The following DOCK6 variants were observed in gnomAD, a reference collection of about 807,000 sequenced individuals.
The protein encoded by DOCK6 is dedicator of cytokinesis 6.
Under a neutral mutation model 230.3 loss-of-function variants are expected in DOCK6, and 167 were observed. The ratio of observed to expected loss-of-function variants is 0.73; its 90% confidence interval spans 0.64 to 0.82. DOCK6 has a LOEUF of 0.82. DOCK6 is among the 40% of genes least tolerant of loss of function. The pLI, the probability that DOCK6 is intolerant of heterozygous loss-of-function variation, is 0.00. For missense variants in DOCK6, 2,598 were observed against 2,825.8 expected, an observed-to-expected ratio of 0.92 and a Z score of 1.83; for synonymous variants, 1,148 against 1,185.0, an observed-to-expected ratio of 0.97 and a Z score of 0.64.
chr19:11,252,064 A>T, intron 5 of DOCK6, 55 bp downstream of exon 5: 1 of 1,561,812 alleles, frequency 6.4e-7, no homozygotes, highest in Admixed American at 1.9e-5. Flanking sequence ...CCAAAAGCTG[A>T]GGCCGGAGCC....
intron 1 of DOCK6, among the ~76,000 whole-genome samples, chr19:11,258,439 T>TC (rs1312815096): frequency 5.7e-4 from 82 of 143,532 alleles, no homozygotes; most frequent in Non-Finnish European, 8.1e-4. Flanking sequence ...TCTCTCTCTC[T>TC]TTTTTTTTTT....
chr19:11,260,404 A>C lies in DOCK6; in HGVS notation c.44+1993T>G, dbSNP rs199538617. On this transcript the variant is annotated intron_variant, in intron 1 of 47. Coordinates refer to ENST00000294618, the MANE Select transcript of DOCK6 (RefSeq NM_020812.4). ...AGGCCAGCCTGGGCAAGATAGTGAG[A>C]TCCCGTTTCTACAAAAGGTTAAAAA... Among the ~76,000 whole-genome samples the C allele has an allele frequency of 2.0e-5, 3 of 151,902 alleles. No homozygotes were observed. The East Asian group carries it at 5.8e-4, about 29-fold the overall frequency.
chr19:11,243,978 G>A lies in DOCK6; in HGVS notation c.1024-96C>T. The A allele has an allele frequency of 4.5e-6, 6 of 1,324,750 alleles. No individual in the cohort carries two copies. The highest frequency in any genetic ancestry group is 6.4e-6 in the Non-Finnish European group (6 of 943,080). 82.1% of individuals were successfully genotyped at this position (1,324,750 alleles called of 1,614,324 possible). The stretch of plus-strand genomic sequence containing the variant: ...CCTCCTGGACCCCTCATGGGCCCTC[G>A]GACACTCCTAACATATGAAGGCCTT... On this transcript the variant is annotated intron_variant, in intron 9 of 47. Transcript: ENST00000294618. This position sits in a 1 kb window ranked among gnomAD's most constrained non-coding sequence, Gnocchi z 6.3.
In DOCK6 at chr19:11,222,821, C is replaced by A; in HGVS notation, c.3154G>T (p.Glu1052Ter). The A allele has an allele frequency of 6.3e-7, 1 of 1,596,094 alleles. No individual in the cohort carries two copies. Among genetic ancestry groups the A allele is most frequent in the African/African-American group, 1.3e-5 (1 of 74,774 alleles). ...GGGAGGTTGAGGGTCACGTAGTGCT[C>A]GTGGCTGCACAGGATGCGGGTGAAT... ...MEFTRILCSHEHYVTLNLPCC... is the reference protein window; with the variant it reads ...MEFTRILCSH The change falls in exon 26 of 48, where the codon GAG becomes TAG. Residue 1052 changes from glutamate (E) to a stop codon, truncating the protein, a stop_gained. Transcript: ENST00000294618. LOFTEE classifies it high-confidence loss of function. The surrounding 1 kb of genome is among the most constrained non-coding windows in gnomAD (Gnocchi z 4.0).
chr19:11,227,562 T>TGTGGGTGGGGCTTGAAGGGCG, intron 23 of DOCK6, 85 bp from the exon 24 acceptor site: 2 of 1,438,550 alleles, frequency 1.4e-6, no homozygotes, highest in Non-Finnish European at 1.8e-6. Flanking sequence ...CTTGAAGGGC[T>TGTGGGTGGGGCTTGAAGGGCG]GTGGGTGGGG....
rs201792003 is a variant in DOCK6, at chr19:11,200,377, C to T, written c.6032G>A (p.Arg2011Gln). Residue 2011 changes from arginine to glutamine, a missense_variant, in exon 47 of 48, where the codon CGG (arginine) becomes CAG (glutamine). By Grantham distance (43) the Arg-to-Gln change is conservative (BLOSUM62 1). Transcript: ENST00000294618. The surrounding 1 kb of genome is among the most constrained non-coding windows in gnomAD (Gnocchi z 4.3). ...RELERNYCRL[R>Q]EALQPLLTQR... is the part of the protein sequence containing the mutation. ...GGTAAGCAGGGGCTGCAGAGCCTCC[C>T]GCAGGCGGCAGTAGTTGCGCTCCAG... 1.6e-5 allele frequency: 25 copies of T among 1,598,250 alleles called. No individual in the cohort carries two copies. Among genetic ancestry groups the T allele is most frequent in the African/African-American group, 1.5e-4 (11 of 74,594 alleles).
At chr19:11,226,159 C>A (rs549660657) in intron 24 of DOCK6, among the ~76,000 whole-genome samples, 1 of 152,164 alleles carries the variant, frequency 6.6e-6, no homozygotes, top group Non-Finnish European at 1.5e-5. Context: ...CCCTCTGCTC[C>A]ACCATAAGCC....
intron 1 of DOCK6, among the ~76,000 whole-genome samples, chr19:11,256,626 C>G (rs1434097739): frequency 6.6e-6 from 1 of 152,176 alleles, no homozygotes; most frequent in Non-Finnish European, 1.5e-5. Context: ...AAAGACAATC[C>G]TAGGCAGCTG....
In DOCK6 at chr19:11,209,064, CAGCCGAAGGTCCGGTG is replaced by C; in HGVS notation, c.4775_4790del (p.Ser1592Ter). The C allele has an allele frequency of 6.2e-7, 1 of 1,612,326 alleles. No homozygotes were observed. Among genetic ancestry groups the C allele is most frequent in the Non-Finnish European group, 8.5e-7 (1 of 1,179,468 alleles). On this transcript the variant is annotated frameshift_variant, in exon 38 of 48. Coordinates refer to ENST00000294618, the MANE Select transcript of DOCK6 (RefSeq NM_020812.4). LOFTEE classifies it high-confidence loss of function. ...TCCCGGCCATGTTCTGCAACCAGGT[CAGCCGAAGGTCCGGTG>C]AGCCCTGGTAGCCCCGGGCAATTCT... is the stretch of plus-strand genomic sequence containing the variant.
Position 11,253,660 on chromosome 19 carries a change from C to G in DOCK6, c.111G>C (p.Arg37Ser). 1 of 1,454,564 alleles carries G rather than the reference C, an allele frequency of 6.9e-7. No homozygotes were observed. Among genetic ancestry groups the G allele is most frequent in the African/African-American group, 1.5e-5 (1 of 66,802 alleles). The allele number at this position is 1,454,564 out of a possible 1,614,324, so 90.1% of individuals were successfully genotyped here. ...TTACCCCCAGGGAGCTGCTGCAGCG[C>G]CTGCTGGAGTGGGGGGAGCCACTGC... Reference protein sequence around the residue: ...RERSGSPHSSRRCSSSLGVPL... With the variant: ...RERSGSPHSSSRCSSSLGVPL... The change falls in exon 2 of 48, where the codon AGG becomes AGC. Residue 37 changes from arginine (R) to serine (S), a missense_variant. Arg to Ser is a moderately radical substitution (Grantham distance 110). Coordinates refer to ENST00000294618, the MANE Select transcript of DOCK6 (RefSeq NM_020812.4).
Position 11,222,262 on chromosome 19 carries a change from GA to G in DOCK6, c.3241-15del, listed in dbSNP as rs1259140283. 2 of 1,589,098 alleles carry G rather than the reference GA, an allele frequency of 1.3e-6. No individual in the cohort carries two copies. Among genetic ancestry groups the G allele is most frequent in the Admixed American group, 1.8e-5 (1 of 55,524 alleles). On this transcript the variant is annotated splice_polypyrimidine_tract_variant and intron_variant, in intron 26 of 47. Coordinates refer to ENST00000294618, the MANE Select transcript of DOCK6 (RefSeq NM_020812.4). This position sits in a 1 kb window ranked among gnomAD's most constrained non-coding sequence, Gnocchi z 4.0. The stretch of plus-strand genomic sequence containing the variant: ...GAAGGTGGAGCTCTGCAGAGTGGGG[GA>G]AAAATGGGGGATGCCAGCGGTCAAG...
chr19:11,239,409 C>T (rs527537084), intron 14 of DOCK6, among the ~76,000 whole-genome samples: 17 of 152,320 alleles, frequency 1.1e-4, no homozygotes, highest in East Asian at 1.9e-4. Flanking sequence ...GTCTGGGGCC[C>T]GTCCTCTCCC....
chr19:11,257,507 A>AT (rs55968166), intron 1 of DOCK6, among the ~76,000 whole-genome samples: 1 of 149,124 alleles, frequency 6.7e-6, no homozygotes, highest in Non-Finnish European at 1.5e-5. Context: ...AAAAAAAAAA[A>AT]GCTGGGCACT....
intron 41 of DOCK6, 139 bp downstream of exon 41, chr19:11,203,941 TG>T: frequency 1.8e-6 from 2 of 1,102,088 alleles, no homozygotes; most frequent in South Asian, 1.5e-5. Context: ...AATAATGGGG[TG>T]GGTCCCTTGT....
chr19:11,225,868 TA>T (rs745740690), intron 24 of DOCK6, among the ~76,000 whole-genome samples: 11,908 of 70,948 alleles, frequency 0.17, 1,128 homozygotes, highest in African/African-American at 0.33. Context: ...CTGACTCTAC[TA>T]AAAAAAAAAA....
At position 11,236,943 on chromosome 19, in the gene DOCK6, G is replaced by A; in HGVS notation, c.2074-64C>T. ...TCCCTGACTGATCAGGTCACCCAGC[G>A]GCCCCAGCCATTGCGACACTGCAGC... On this transcript the variant is annotated intron_variant, in intron 18 of 47. Coordinates refer to ENST00000294618, the MANE Select transcript of DOCK6 (RefSeq NM_020812.4). The surrounding 1 kb of genome is among the most constrained non-coding windows in gnomAD (Gnocchi z 5.2). 4.0e-6 allele frequency: 6 copies of A among 1,492,800 alleles called. No individual in the cohort carries two copies. The highest frequency in any genetic ancestry group is 1.2e-5 in the South Asian group (1 of 81,006). The allele number at this position is 1,492,800 out of a possible 1,614,324, so 92.5% of individuals were successfully genotyped here.
intron 1 of DOCK6, among the ~76,000 whole-genome samples, chr19:11,260,593 G>GAAA (rs796341364): frequency 4.8e-4 from 58 of 120,938 alleles, no homozygotes; most frequent in African/African-American, 1.7e-3. Flanking sequence ...AAAAGAAAAG[G>GAAA]AAAAAAAAAA....
chr19:11,199,653 G>T, intron 47 of DOCK6, 114 bp from the exon 48 acceptor site: 1 of 1,137,714 alleles, frequency 8.8e-7, no homozygotes, highest in South Asian at 1.3e-5. Context: ...ATCCTTCTGG[G>T]ATCTCTCCTG....
intron 30 of DOCK6, 55 bp downstream of exon 30, chr19:11,216,859 C>T: frequency 1.3e-6 from 2 of 1,584,142 alleles, no homozygotes; most frequent in Non-Finnish European, 1.7e-6. Context: ...ACGCTGGGTC[C>T]CTGGGTACAT....
Sources: allele counts gnomAD v4.1 joint callset (sites outside exome capture counted in the v4.1 genomes callset), GRCh38; gene constraint gnomAD v4.1.1; non-coding constraint Gnocchi (gnomAD v3.1); transcripts MANE v1.5; gene names NCBI Gene and HGNC (gene_info 2026-07-23, HGNC 2026-07-21).